The following GP2 variants were observed in gnomAD, a reference collection of about 807,000 sequenced individuals.
The protein encoded by GP2 is pancreatic secretory granule membrane major glycoprotein GP2.
Under a neutral mutation model 60.8 loss-of-function variants are expected in GP2, and 58 were observed. The observed-to-expected ratio is 0.95, with a 90% CI of 0.77 to 1.19. The LOEUF (loss-of-function observed/expected upper bound fraction) is 1.19. GP2 is among the 50% of genes most tolerant of loss of function. The probability of loss-of-function intolerance (pLI) is 0.00; values close to 1 mark genes in which losing one functional copy is unlikely to be tolerated. For missense variants in GP2, 647 were observed against 667.4 expected (o/e 0.97, Z 0.34); for synonymous variants, 280 against 253.4 (o/e 1.10, Z -1.00).
At chr16:20,316,270 T>G (rs1964163047) in intron 8 of GP2, among the ~76,000 whole-genome samples, 1 of 152,212 alleles carries the variant, frequency 6.6e-6, no homozygotes, top group Non-Finnish European at 1.5e-5. Flanking sequence ...CTATATAATT[T>G]GGGGCCAATG....
chr16:20,317,313 C>T lies in GP2; in HGVS notation c.1316G>A (p.Arg439Gln), dbSNP rs754880634. 17 of 1,613,032 alleles carry T rather than the reference C, an allele frequency of 1.1e-5. No individual in the cohort carries two copies. Among genetic ancestry groups the T allele is most frequent in the East Asian group, 4.5e-5 (2 of 44,872 alleles). ...VEENGQSSES[R>Q]FSVQMFMFAG... ...AAACATGAACATCTGAACTGAGAAC[C>T]GGCTTTCCGAGGACTGCCCATTCTC... is the stretch of plus-strand genomic sequence containing the variant. Residue 439 changes from arginine (R) to glutamine (Q), a missense_variant, in exon 8 of 11, where the codon CGG (arginine) becomes CAG (glutamine). Coordinates refer to ENST00000302555, the MANE Select transcript of GP2 (RefSeq NM_001502.4).
intron 6 of GP2, among the ~76,000 whole-genome samples, chr16:20,319,102 G>A (rs968902492): frequency 1.3e-5 from 2 of 152,140 alleles, no homozygotes; most frequent in African/African-American, 2.4e-5. Context: ...TGCTGGGGAC[G>A]GGGGTGCCTG....
rs769707886 is a variant in GP2 at position 20,318,451 on chromosome 16, A to G, written c.1008-21T>C. 6 of 1,609,312 alleles carry G rather than the reference A, an allele frequency of 3.7e-6. No individual in the cohort carries two copies. In the African/African-American group the frequency reaches 4.0e-5, roughly 11 times the overall value. ...GGGAACTGAGAAAAAGAAAGCCACA[A>G]GAGTGGAAACCTCAGAGAACAACAT... On this transcript the variant is annotated intron_variant, in intron 6 of 10. Coordinates refer to ENST00000302555, the MANE Select transcript of GP2 (RefSeq NM_001502.4).
At chr16:20,311,404 C>A in intron 10 of GP2, 123 bp from the exon 11 acceptor site, 1 of 681,850 alleles carries the variant, frequency 1.5e-6, no homozygotes, top group Non-Finnish European at 2.7e-6. Flanking sequence ...GATATCTGGC[C>A]TAGTTATAGT....
intron 3 of GP2, 51 bp downstream of exon 3, chr16:20,323,765 G>T (rs778488430): frequency 3.3e-6 from 4 of 1,217,670 alleles, no homozygotes; most frequent in Non-Finnish European, 3.5e-6. Context: ...CTGAGCCTGG[G>T]AGGCATCTCA....
intron 4 of GP2, 144 bp downstream of exon 4, chr16:20,322,725 C>A: frequency 1.8e-6 from 1 of 566,320 alleles, no homozygotes; most frequent in Non-Finnish European, 3.2e-6. Flanking sequence ...GGCTTTACAG[C>A]AAATGGATTG....
intron 1 of GP2, chr16:20,327,034 A>G (rs1964554417): frequency 6.1e-6 from 1 of 164,904 alleles, no homozygotes; most frequent in Middle Eastern, 3.2e-3. Context: ...GATGGCATTT[A>G]CTTTTCTGGG....
rs1963962278 is a variant in GP2 at position 20,310,373 on chromosome 16, A to T, written c.*850T>A. ...CAGCATGTCTGTGGTATGGTGGGGGATAGGGGAGCTATGGGGACTAGTTCT... is the reference window on the plus strand; with the variant it reads ...CAGCATGTCTGTGGTATGGTGGGGGTTAGGGGAGCTATGGGGACTAGTTCT... On this transcript the variant is annotated 3_prime_UTR_variant, in exon 11 of 11. Coordinates refer to ENST00000302555, the MANE Select transcript of GP2 (RefSeq NM_001502.4). The T allele has an allele frequency of 6.6e-6, 1 of 152,068 alleles. No individual in the cohort carries two copies. The highest frequency in any genetic ancestry group is 2.4e-5 in the African/African-American group (1 of 41,390). The allele number at this position is 152,068 out of a possible 1,614,324, so 9.4% of individuals were successfully genotyped here.
rs764581162 is a variant in GP2, at chr16:20,323,966, C to G, written c.385G>C (p.Gly129Arg). 1 of 1,614,198 alleles carries G rather than the reference C, an allele frequency of 6.2e-7. No homozygotes were observed. Among genetic ancestry groups the G allele is most frequent in the South Asian group, 1.1e-5 (1 of 91,082 alleles). The change falls in exon 3 of 11, where the codon GGG (glycine) becomes CGG (arginine). Residue 129 changes from glycine to arginine, a missense_variant. Transcript: ENST00000302555. ...MWLNGTHPALGDGITNHTACA... is the reference protein window; with the variant it reads ...MWLNGTHPALRDGITNHTACA... ...GCAGTGTGGTTGGTGATGCCATCCC[C>G]AAGGGCAGGGTGGGTCCCATTCAGC...
intron 10 of GP2, 102 bp from the exon 11 acceptor site, chr16:20,311,383 A>C (rs923703532): frequency 1.2e-5 from 9 of 756,724 alleles, no homozygotes; most frequent in Non-Finnish European, 1.9e-5. Flanking sequence ...TGAGAAAGGC[A>C]AAGCATCTTT....
In GP2 at chr16:20,314,378, A is replaced by G. The variant is rs371201331; in HGVS notation, c.1546+279T>C. Among the ~76,000 whole-genome samples, 9 of 151,340 alleles carry G rather than the reference A, an allele frequency of 5.9e-5. No individual in the cohort carries two copies. In the East Asian group the frequency reaches 1.7e-3, roughly 29 times the overall value. ...TACTTTTTTATTTTCTACTTTCCACACTGGTGCATAAGCTCTATGAGGGTA... is the reference window on the plus strand; with the variant it reads ...TACTTTTTTATTTTCTACTTTCCACGCTGGTGCATAAGCTCTATGAGGGTA... On this transcript the variant is annotated intron_variant, in intron 10 of 10. Transcript: ENST00000302555.
chr16:20,323,495 C>T (rs563618046), intron 3 of GP2: 14 of 589,560 alleles, frequency 2.4e-5, no homozygotes, highest in Non-Finnish European at 3.2e-5. Context: ...ACCCCCCCCC[C>T]CTTTTTTTCA....
chr16:20,319,494 C>G (rs750197034), intron 6 of GP2, 126 bp downstream of exon 6: 4 of 672,772 alleles, frequency 5.9e-6, no homozygotes, highest in Admixed American at 2.4e-5. Context: ...GAATGAATGA[C>G]TGAATGACTG....
intron 2 of GP2, among the ~76,000 whole-genome samples, chr16:20,325,817 G>C (rs1055819713): frequency 6.6e-6 from 1 of 152,210 alleles, no homozygotes; most frequent in Non-Finnish European, 1.5e-5. Flanking sequence ...TTTAAGACAA[G>C]GAATCACTGC....
Position 20,319,619 on chromosome 16 carries a change from C to A in GP2, c.1007+1G>T, listed in dbSNP as rs1323054893. ...TCAAAGGGCAAGGGTCAATGCCATA[C>A]CTTACAATGGGCTGCAAGGCAGCTT... On this transcript the variant is annotated splice_donor_variant, in intron 6 of 10. Coordinates refer to ENST00000302555, the MANE Select transcript of GP2 (RefSeq NM_001502.4). LOFTEE classifies it high-confidence loss of function. 6.2e-7 allele frequency: 1 copy of A among 1,610,090 alleles called. No individual in the cohort carries two copies. Among genetic ancestry groups the A allele is most frequent in the South Asian group, 1.1e-5 (1 of 90,988 alleles).
Position 20,319,739 on chromosome 16 carries a change from G to GT in GP2, c.887dup (p.Asn296LysfsTer8), listed in dbSNP as rs766073849. 51 of 1,612,862 alleles carry GT rather than the reference G, an allele frequency of 3.2e-5. No homozygotes were observed. ...TGAAATCATTGACCAAGGAGAGGGT[G>GT]TTTTTGTAGATGGCATGGGTTTGAT... On this transcript the variant is annotated frameshift_variant, in exon 6 of 11. Coordinates refer to ENST00000302555, the MANE Select transcript of GP2 (RefSeq NM_001502.4). LOFTEE classifies it high-confidence loss of function.
At chr16:20,322,594 C>T (rs955083948) in intron 4 of GP2, among the ~76,000 whole-genome samples, 9 of 152,150 alleles carry the variant, frequency 5.9e-5, no homozygotes, top group African/African-American at 1.9e-4. Flanking sequence ...TTATCATCTT[C>T]AGTGTCTTCA....
chr16:20,324,313 T>C (rs1044009700), intron 2 of GP2, 57 bp from the exon 3 acceptor site: 5 of 1,152,896 alleles, frequency 4.3e-6, no homozygotes, highest in Non-Finnish European at 6.3e-6. Flanking sequence ...ACCTACAGGA[T>C]TTTTTCCCCT....
In GP2 at chr16:20,319,833, C is replaced by T. The variant is rs1337046837; in HGVS notation, c.859-65G>A. On this transcript the variant is annotated intron_variant, in intron 5 of 10. Transcript: ENST00000302555. ...ATGTGTATGTAGGTGTATCTCAAAT[C>T]CAGATCTGATTTCCAGAGTCAATTT... The T allele has an allele frequency of 3.1e-6, 4 of 1,286,306 alleles. No homozygotes were observed. The African/African-American group carries it at 5.8e-5, about 19-fold the overall frequency. 79.7% of individuals were successfully genotyped at this position (1,286,306 alleles called of 1,614,324 possible). A position where few individuals can be genotyped will look rare whatever the true frequency, so the allele number is the denominator to read the frequency against.
Sources: allele counts gnomAD v4.1 joint callset (sites outside exome capture counted in the v4.1 genomes callset), GRCh38; gene constraint gnomAD v4.1.1; transcripts MANE v1.5; gene names NCBI Gene and HGNC (gene_info 2026-07-23, HGNC 2026-07-21).